GLIS3: variants seen among roughly 807,000 people sequenced by gnomAD.
GLIS3 encodes zinc finger protein GLIS3.
Under a neutral mutation model 78.6 loss-of-function variants are expected in GLIS3, and 53 were observed. The observed-to-expected ratio is 0.67, with a 90% CI of 0.54 to 0.85. The LOEUF (loss-of-function observed/expected upper bound fraction) is 0.85. Ranked by LOEUF, GLIS3 falls within the 40% of genes least tolerant of loss-of-function variation. GLIS3 has a pLI of 0.00. For synonymous variants in GLIS3, 684 were observed against 509.9 expected (o/e 1.34, Z -4.60); for missense variants, 1,703 against 1,231.1 (o/e 1.38, Z -5.74).
intron 4 of GLIS3, among the ~76,000 whole-genome samples, chr9:4,065,044 T>C (rs1452734211): frequency 1.3e-5 from 2 of 152,220 alleles, no homozygotes; most frequent in African/African-American, 4.8e-5. Flanking sequence ...AGTTGGATTC[T>C]AGAAACTACA....
intron 8 of GLIS3, among the ~76,000 whole-genome samples, chr9:3,877,250 T>C (rs1164357292): frequency 6.8e-6 from 1 of 147,854 alleles, no homozygotes; most frequent in Admixed American, 6.7e-5. Flanking sequence ...AATGCATTTT[T>C]TTAAAAAAAT....
chr9:4,275,956 T>G (rs1389198903), intron 2 of GLIS3, among the ~76,000 whole-genome samples: 1 of 151,958 alleles, frequency 6.6e-6, no homozygotes, highest in Non-Finnish European at 1.5e-5. Context: ...ACTGTACAAG[T>G]CCAAGGCTGT....
intron 7 of GLIS3, among the ~76,000 whole-genome samples, chr9:3,893,002 T>C (rs918993727): frequency 6.6e-5 from 10 of 152,154 alleles, no homozygotes; most frequent in African/African-American, 2.4e-4. Context: ...GTTTGTTATA[T>C]AGATAAGCTT....
At chr9:4,001,549 C>T (rs972373975) in intron 4 of GLIS3, among the ~76,000 whole-genome samples, 2 of 152,136 alleles carry the variant, frequency 1.3e-5, no homozygotes, top group African/African-American at 4.8e-5. Flanking sequence ...GTCTCTCCCA[C>T]GTAAAGCTGT....
intron 4 of GLIS3, among the ~76,000 whole-genome samples, chr9:3,960,739 C>A (rs529414910): frequency 1.7e-4 from 26 of 152,330 alleles, no homozygotes; most frequent in Non-Finnish European, 2.9e-4. Flanking sequence ...CGTGGTGAAT[C>A]AACAGAATTC....
intron 4 of GLIS3, among the ~76,000 whole-genome samples, chr9:4,079,957 A>G (rs986112210): frequency 2.0e-5 from 3 of 152,218 alleles, no homozygotes; most frequent in Admixed American, 6.5e-5. Context: ...TTGAAAAAAG[A>G]AAGGATACTC....
rs1827983636 is a variant in GLIS3 at position 4,286,246 on chromosome 9, G to C, written c.180C>G (p.Leu60=). 7 of 1,614,220 alleles carry C rather than the reference G, an allele frequency of 4.3e-6. No homozygotes were observed. The highest frequency in any genetic ancestry group is 5.9e-6 in the Non-Finnish European group (7 of 1,180,024). The part of the protein sequence containing the change: ...TMASLANNLH[L]KMPSGGGMAP... ...CCATCCCTCCTCCTGAGGGCATCTT[G>C]AGATGGAGGTTGTTAGCAAGGCTTG... is the stretch of plus-strand genomic sequence containing the variant. Residue 60 remains leucine (L), a synonymous_variant, in exon 2 of 11, where the codon CTC becomes CTG. Coordinates refer to ENST00000381971, the MANE Select transcript of GLIS3 (RefSeq NM_001042413.2).
intron 4 of GLIS3, among the ~76,000 whole-genome samples, chr9:3,995,908 TAAG>T (rs1464669819): frequency 6.6e-6 from 1 of 152,024 alleles, no homozygotes; most frequent in Non-Finnish European, 1.5e-5. Flanking sequence ...AAAGAATGAA[TAAG>T]AACTTTCCTG....
intron 4 of GLIS3, among the ~76,000 whole-genome samples, chr9:4,047,920 G>A (rs1320828546): frequency 6.6e-6 from 1 of 152,194 alleles, no homozygotes; most frequent in Non-Finnish European, 1.5e-5. Context: ...TGGGACAGCA[G>A]AAATCTACTT....
intron 2 of GLIS3, among the ~76,000 whole-genome samples, chr9:4,171,943 T>C (rs571324819): frequency 2.0e-5 from 3 of 152,324 alleles, no homozygotes; most frequent in Non-Finnish European, 4.4e-5. Flanking sequence ...GATATATTTT[T>C]ATTTTATTTC....
intron 2 of GLIS3, among the ~76,000 whole-genome samples, chr9:4,311,307 G>A (rs1818646615): frequency 6.6e-6 from 1 of 152,204 alleles, no homozygotes; most frequent in Admixed American, 6.5e-5. Flanking sequence ...AACTTGGGAG[G>A]CTGAGGCAAA....
intron 6 of GLIS3, among the ~76,000 whole-genome samples, chr9:3,923,488 AAGG>A (rs1825027397): frequency 6.6e-6 from 1 of 152,226 alleles, no homozygotes. Context: ...AGAGATATTA[AAGG>A]AGAATTTCAC....
At chr9:4,227,227 G>C (rs1206954059) in intron 2 of GLIS3, among the ~76,000 whole-genome samples, 2 of 151,280 alleles carry the variant, frequency 1.3e-5, no homozygotes, top group African/African-American at 4.9e-5. Context: ...TCCTGAGGCA[G>C]GTTATTTTAC....
the GLIS3 span, among the ~76,000 whole-genome samples, chr9:4,477,198 T>C: frequency 1.3e-5 from 2 of 151,906 alleles, no homozygotes; most frequent in Non-Finnish European, 2.9e-5. Context: ...TAAACAAAAA[T>C]GTGGTAAATA....
rs148080762 is a variant in GLIS3, at chr9:4,076,846, C to T, written c.1710+40922G>A. Among the ~76,000 whole-genome samples the T allele has an allele frequency of 5.1e-4, 78 of 152,278 alleles. 1 individual carries two copies. In the South Asian group the frequency reaches 5.2e-3, roughly 10 times the overall value. On this transcript the variant is annotated intron_variant, in intron 4 of 10. Transcript: ENST00000381971. ...TCAAGGCGAGGGAATGGCTTGAACCCAGGAGTTTGAGACGAGCTTGGGCAA... is the reference window on the plus strand; with the variant it reads ...TCAAGGCGAGGGAATGGCTTGAACCTAGGAGTTTGAGACGAGCTTGGGCAA...
intron 4 of GLIS3, among the ~76,000 whole-genome samples, chr9:3,990,116 C>A (rs1271883082): frequency 1.3e-5 from 2 of 152,174 alleles, no homozygotes; most frequent in Non-Finnish European, 2.9e-5. Flanking sequence ...ATTACTACCA[C>A]GAAGTTCATT....
chr9:4,243,397 C>CGG (rs76856037), intron 2 of GLIS3, among the ~76,000 whole-genome samples: 1 of 10,218 alleles, frequency 9.8e-5, no homozygotes. Flanking sequence ...CACACATACA[C>CGG]GCACACACAC....
At chr9:4,328,846 T>C (rs1390165824) in intron 2 of GLIS3, among the ~76,000 whole-genome samples, 1 of 152,202 alleles carries the variant, frequency 6.6e-6, no homozygotes, top group Non-Finnish European at 1.5e-5. Context: ...GTGACAAGCA[T>C]CCAATAAATG....
At chr9:4,080,654 C>A (rs943622513) in intron 4 of GLIS3, among the ~76,000 whole-genome samples, 1 of 152,100 alleles carries the variant, frequency 6.6e-6, no homozygotes, top group Non-Finnish European at 1.5e-5. Flanking sequence ...GAGCTTTTGG[C>A]ACCCCCTTAG....
Sources: gnomAD v4.1 joint callset for allele counts (sites outside exome capture counted in the v4.1 genomes callset) on GRCh38, gnomAD v4.1.1 for gene constraint, MANE v1.5 for transcripts, NCBI Gene and HGNC (gene_info 2026-07-23, HGNC 2026-07-21) for gene names.